ADAMTSL1: variants seen among roughly 807,000 people sequenced by gnomAD.
ADAMTSL1 encodes the protein ADAMTS-like protein 1.
ADAMTSL1 carries 126 observed loss-of-function variants against 201.8 expected under a neutral mutation model. That is an observed-to-expected ratio of 0.62 (90% CI 0.54 to 0.72). The LOEUF (loss-of-function observed/expected upper bound fraction) is 0.72, where lower values mean the gene tolerates loss of function less well. Ranked by LOEUF, ADAMTSL1 falls within the 30% of genes least tolerant of loss-of-function variation. The pLI, the probability that ADAMTSL1 is intolerant of heterozygous loss-of-function variation, is 0.00. For missense variants in ADAMTSL1, 2,679 were observed against 2,277.8 expected (o/e 1.18, Z -3.59); for synonymous variants, 1,121 against 903.4 (o/e 1.24, Z -4.32).
At chr9:18,176,465 C>A (rs1330937268) in intron 2 of ADAMTSL1, among the ~76,000 whole-genome samples, 1 of 152,020 alleles carries the variant, frequency 6.6e-6, no homozygotes, top group African/African-American at 2.4e-5. Context: ...TAGTAACTGT[C>A]ATTTATTACC....
At chr9:17,990,915 G>T (rs1265701832) in intron 1 of ADAMTSL1, among the ~76,000 whole-genome samples, 1 of 152,126 alleles carries the variant, frequency 6.6e-6, no homozygotes, top group Non-Finnish European at 1.5e-5. Context: ...GTAGAAAGAT[G>T]CATGCCCTTT....
At chr9:18,428,560 C>T (rs1462471987) in intron 2 of ADAMTSL1, among the ~76,000 whole-genome samples, 2 of 151,946 alleles carry the variant, frequency 1.3e-5, no homozygotes, top group Non-Finnish European at 2.9e-5. Flanking sequence ...TTCAAGGCTA[C>T]AGTGAGCTGT....
At chr9:18,086,331 C>G (rs548523957) in intron 1 of ADAMTSL1, among the ~76,000 whole-genome samples, 22 of 152,092 alleles carry the variant, frequency 1.4e-4, no homozygotes, top group African/African-American at 5.1e-4. Context: ...GAATAAGAGA[C>G]TAACCTTAAA....
intron 2 of ADAMTSL1, among the ~76,000 whole-genome samples, chr9:18,266,465 T>C (rs1046870133): frequency 6.6e-6 from 1 of 152,190 alleles, no homozygotes; most frequent in Non-Finnish European, 1.5e-5. Context: ...TGGATATCTA[T>C]TCATAATCAA....
At chr9:18,609,742 G>A (rs1004747018) in intron 4 of ADAMTSL1, among the ~76,000 whole-genome samples, 2 of 152,108 alleles carry the variant, frequency 1.3e-5, no homozygotes, top group Non-Finnish European at 2.9e-5. Context: ...AACACACAGG[G>A]TCTGATAATT....
At chr9:18,313,797 C>A (rs779260913) in intron 2 of ADAMTSL1, among the ~76,000 whole-genome samples, 2 of 152,112 alleles carry the variant, frequency 1.3e-5, no homozygotes, top group Non-Finnish European at 2.9e-5. Context: ...TTTGGTATGA[C>A]TGCAAAAGTA....
At chr9:18,841,631 C>A (rs556374853) in intron 23 of ADAMTSL1, among the ~76,000 whole-genome samples, 6 of 152,164 alleles carry the variant, frequency 3.9e-5, no homozygotes, top group Non-Finnish European at 7.3e-5. Flanking sequence ...CCTTCTTGTA[C>A]CTCTGGTAGA....
chr9:18,592,492 A>G (rs955324144), intron 4 of ADAMTSL1, among the ~76,000 whole-genome samples: 1 of 152,186 alleles, frequency 6.6e-6, no homozygotes, highest in Admixed American at 6.5e-5. Flanking sequence ...TAGTTGTAAG[A>G]GGATCAGCTT....
chr9:18,051,172 G>A (rs61549029), intron 1 of ADAMTSL1, among the ~76,000 whole-genome samples: 1 of 152,060 alleles, frequency 6.6e-6, no homozygotes, highest in Non-Finnish European at 1.5e-5. Flanking sequence ...GTGGTGGCGG[G>A]CGCCTGTAGC....
chr9:18,492,844 G>A (rs925230367), intron 1 of ADAMTSL1, among the ~76,000 whole-genome samples: 1 of 152,170 alleles, frequency 6.6e-6, no homozygotes, highest in Admixed American at 6.5e-5. Flanking sequence ...TACCACAGCA[G>A]CAAAGTCAGG....
rs774133870 is a variant in ADAMTSL1 at position 18,777,595 on chromosome 9, C to G, written c.3366C>G (p.Pro1122=). 6 of 1,612,656 alleles carry G rather than the reference C, an allele frequency of 3.7e-6. No individual in the cohort carries two copies. Among genetic ancestry groups the G allele is most frequent in the Admixed American group, 1.7e-5 (1 of 59,858 alleles). ...AGCACCAGGACACGCTCCTGAAGCCCTCGGAGCGCAGGACTTCCCCAGTGA... is the reference window on the plus strand; with the variant it reads ...AGCACCAGGACACGCTCCTGAAGCCGTCGGAGCGCAGGACTTCCCCAGTGA... The part of the protein sequence containing the change: ...HLEHQDTLLK[P]SERRTSPVTL... Residue 1122 remains proline (P), a synonymous_variant, in exon 19 of 29, where the codon CCC becomes CCG. Transcript: ENST00000380548.
intron 1 of ADAMTSL1, among the ~76,000 whole-genome samples, chr9:17,929,619 C>T (rs1337263548): frequency 6.6e-6 from 1 of 152,104 alleles, no homozygotes; most frequent in Non-Finnish European, 1.5e-5. Context: ...CCCAAGGGCA[C>T]CAAGCGTTCT....
chr9:18,577,347 G>C (rs569430874), intron 4 of ADAMTSL1, among the ~76,000 whole-genome samples: 2 of 152,140 alleles, frequency 1.3e-5, no homozygotes, highest in African/African-American at 4.8e-5. Context: ...TTAGCCAGGC[G>C]TGATGGCAGG....
intron 13 of ADAMTSL1, among the ~76,000 whole-genome samples, chr9:18,697,977 G>A (rs1831661151): frequency 1.3e-5 from 2 of 152,172 alleles, no homozygotes; most frequent in African/African-American, 4.8e-5. Context: ...TGTAACTTAT[G>A]CTTCAGTTTC....
intron 1 of ADAMTSL1, among the ~76,000 whole-genome samples, chr9:18,082,600 C>T (rs1017376740): frequency 6.6e-6 from 1 of 152,190 alleles, no homozygotes; most frequent in Non-Finnish European, 1.5e-5. Flanking sequence ...GCCTCCTCTT[C>T]AAGCCTCCCC....
intron 20 of ADAMTSL1, among the ~76,000 whole-genome samples, chr9:18,807,364 G>A (rs1393273828): frequency 1.3e-5 from 2 of 152,130 alleles, no homozygotes; most frequent in Non-Finnish European, 2.9e-5. Context: ...CATAGTACAG[G>A]CCGGGCGCGG....
intron 5 of ADAMTSL1, among the ~76,000 whole-genome samples, chr9:18,631,903 G>T (rs940091176): frequency 6.6e-6 from 1 of 152,318 alleles, no homozygotes; most frequent in East Asian, 1.9e-4. Context: ...ATCTGAAGCA[G>T]ATCATTTAGA....
intron 2 of ADAMTSL1, among the ~76,000 whole-genome samples, chr9:18,415,465 T>C (rs563416874): frequency 4.2e-4 from 64 of 152,012 alleles, no homozygotes; most frequent in African/African-American, 1.5e-3. Context: ...AAAATAATAG[T>C]CAACTAAAAG....
chr9:18,011,335 C>A (rs1388193719), intron 1 of ADAMTSL1, among the ~76,000 whole-genome samples: 1 of 151,966 alleles, frequency 6.6e-6, no homozygotes, highest in Admixed American at 6.6e-5. Context: ...GAAAAATGTT[C>A]AACTTAAATA....
Sources: allele counts gnomAD v4.1 joint callset (sites outside exome capture counted in the v4.1 genomes callset), GRCh38; gene constraint gnomAD v4.1.1; transcripts MANE v1.5; gene names NCBI Gene and HGNC (gene_info 2026-07-23, HGNC 2026-07-21).